IRAG2: variants seen among roughly 807,000 people sequenced by gnomAD.
The protein encoded by IRAG2 is inositol 1,4,5-triphosphate receptor associated 2.
Under a neutral mutation model 69.9 loss-of-function variants are expected in IRAG2, and 45 were observed. The observed-to-expected ratio is 0.64, with a 90% confidence interval of 0.51 to 0.83. The LOEUF is 0.83. IRAG2 is among the 40% of genes least tolerant of loss of function. The pLI is 0.00. For synonymous variants in IRAG2, 193 were observed against 202.4 expected (o/e 0.95, Z 0.40); for missense variants, 520 against 587.0 (o/e 0.89, Z 1.18).
At chr12:25,094,292 C>T (rs1334646948) in intron 14 of IRAG2, among the ~76,000 whole-genome samples, 1 of 151,986 alleles carries the variant, frequency 6.6e-6, no homozygotes, top group East Asian at 1.9e-4. Context: ...CAATTTCATT[C>T]TTTTGCATGT....
At chr12:25,011,072 C>T (rs1052216400) in intron 2 of IRAG2, among the ~76,000 whole-genome samples, 1 of 152,140 alleles carries the variant, frequency 6.6e-6, no homozygotes, top group Non-Finnish European at 1.5e-5. Flanking sequence ...ATTTAAACCT[C>T]GCAACTCTGT....
intron 1 of IRAG2, among the ~76,000 whole-genome samples, chr12:25,053,166 G>T (rs570253017): frequency 6.6e-6 from 1 of 151,850 alleles, no homozygotes; most frequent in African/African-American, 2.4e-5. Context: ...TTCCCTTTTT[G>T]CCTTTTTATT....
intron 16 of IRAG2, among the ~76,000 whole-genome samples, chr12:25,042,477 T>C (rs988769559): frequency 7.2e-5 from 11 of 152,318 alleles, no homozygotes; most frequent in Admixed American, 7.2e-4. Context: ...ATCTAATTTT[T>C]TTTTTATGAG....
upstream of IRAG2, among the ~76,000 whole-genome samples, chr12:25,004,173 A>G (rs140804264): frequency 5.1e-3 from 779 of 152,334 alleles, 9 homozygotes; most frequent in African/African-American, 0.018. Flanking sequence ...AAATGCATGG[A>G]AAATTTGCTT....
At chr12:25,064,033 G>C (rs887211655) in intron 4 of IRAG2, among the ~76,000 whole-genome samples, 2 of 152,180 alleles carry the variant, frequency 1.3e-5, no homozygotes, top group Non-Finnish European at 2.9e-5. Flanking sequence ...AGGCACGGGG[G>C]CTCATGCCTA....
At chr12:25,041,944 TTTTG>T (rs1170752018) in intron 16 of IRAG2, among the ~76,000 whole-genome samples, 1 of 147,030 alleles carries the variant, frequency 6.8e-6, no homozygotes, top group African/African-American at 2.5e-5. Context: ...TGAATTGAAT[TTTTG>T]TTTCAGCTGT....
At chr12:25,023,948 A>T (rs1422059398) in intron 8 of IRAG2, 2 of 1,153,758 alleles carry the variant, frequency 1.7e-6, no homozygotes, top group Non-Finnish European at 2.2e-6. Flanking sequence ...AAACACTGGC[A>T]TAGACAAACA....
At position 25,107,918 on chromosome 12, in the gene IRAG2, C is replaced by T; in HGVS notation, c.1358C>T (p.Ala453Val). Residue 453 changes from alanine to valine, a missense_variant, in exon 22 of 22, where the codon GCT (alanine) becomes GTT (valine). Transcript: ENST00000556887. ...LSIAFIVLFA[A>V]LMSFLTGQLF... The stretch of plus-strand genomic sequence containing the variant: ...ATTGCATTCATTGTACTGTTTGCAG[C>T]TTTGATGAGCTTCCTCACAGGCCAA... 6.2e-7 allele frequency: 1 copy of T among 1,614,186 alleles called. No homozygotes were observed. The highest frequency in any genetic ancestry group is 8.5e-7 in the Non-Finnish European group (1 of 1,180,030).
chr12:25,100,000 G>GAAAAAAAAAAAAA (rs56728551), intron 15 of IRAG2, among the ~76,000 whole-genome samples: 260 of 25,666 alleles, frequency 0.01, 41 homozygotes, highest in African/African-American at 0.036. Flanking sequence ...GACTCCATCT[G>GAAAAAAAAAAAAA]AAAAAAAAAA....
At chr12:25,066,717 C>T (rs974476681) in intron 5 of IRAG2, among the ~76,000 whole-genome samples, 6 of 150,152 alleles carry the variant, frequency 4.0e-5, no homozygotes, top group African/African-American at 1.5e-4. Flanking sequence ...CACTGGAGTG[C>T]AGTGATGTGA....
At chr12:25,044,803 A>G (rs1452799333) in intron 16 of IRAG2, among the ~76,000 whole-genome samples, 1 of 152,172 alleles carries the variant, frequency 6.6e-6, no homozygotes, top group Admixed American at 6.5e-5. Flanking sequence ...AGACATAGAC[A>G]GCAATAAAAT....
intron 1 of IRAG2, among the ~76,000 whole-genome samples, chr12:25,054,408 C>A (rs1945093070): frequency 6.6e-6 from 1 of 152,158 alleles, no homozygotes; most frequent in Non-Finnish European, 1.5e-5. Flanking sequence ...CAATATTATA[C>A]CTGAGTTTTA....
At chr12:25,032,200 A>G in exon 11 of IRAG2, 1 of 399,062 alleles carries the variant, frequency 2.5e-6, no homozygotes, top group Non-Finnish European at 4.4e-6. Flanking sequence ...AGCATTATAG[A>G]GGTATACCTG....
chr12:25,089,952 G>A (rs973014404), intron 13 of IRAG2, 105 bp from the exon 14 acceptor site: 1 of 1,341,388 alleles, frequency 7.5e-7, no homozygotes, highest in Non-Finnish European at 1.1e-6. Flanking sequence ...TTATGTTGCT[G>A]GGGGGAGAAA....
rs972430408 is a variant in IRAG2, at chr12:25,103,723, A to G, written c.934-114A>G. ...AGGATCCTTTAAGATATGTCTGTTT[A>G]ACTCAGCTGTGGTCAAGTACACGGA... is the stretch of plus-strand genomic sequence containing the variant. On this transcript the variant is annotated intron_variant, in intron 17 of 21. Transcript: ENST00000556887. 7 of 720,804 alleles carry G rather than the reference A, an allele frequency of 9.7e-6. No homozygotes were observed. In the East Asian group the frequency reaches 1.8e-4, roughly 18 times the overall value. The allele number at this position is 720,804 out of a possible 1,614,324, so 44.7% of individuals were successfully genotyped here. A position where few individuals can be genotyped will look rare whatever the true frequency, so the allele number is the denominator to read the frequency against.
In IRAG2 at chr12:25,064,323, C is replaced by CA. The variant is rs372375684; in HGVS notation, c.-207+515dup. ...GTGAGAGTAACATGAGCAAACAAAA[C>CA]AAAAAAAATAAGAAGAGAAGTAAGA... On this transcript the variant is annotated intron_variant, in intron 4 of 21. Transcript: ENST00000556887. Among the ~76,000 whole-genome samples the CA allele has an allele frequency of 4.2e-3, 627 of 151,022 alleles. 2 individuals carry two copies. The highest frequency in any genetic ancestry group is 0.014 in the African/African-American group (579 of 41,128).
chr12:25,094,322 C>T (rs1948277207), intron 14 of IRAG2, among the ~76,000 whole-genome samples: 1 of 151,992 alleles, frequency 6.6e-6, no homozygotes, highest in African/African-American at 2.4e-5. Context: ...GTTTTCTCAG[C>T]AATATTTTGT....
chr12:25,075,312 A>C (rs998325704), intron 6 of IRAG2, among the ~76,000 whole-genome samples: 1 of 152,198 alleles, frequency 6.6e-6, no homozygotes, highest in Non-Finnish European at 1.5e-5. Flanking sequence ...AGTTATCTAA[A>C]ATGGGTCAAA....
Position 25,052,965 on chromosome 12 carries a change from C to T in IRAG2, c.-447+9C>T, listed in dbSNP as rs1413310958. 2.5e-6 allele frequency: 1 copy of T among 398,492 alleles called. No individual in the cohort carries two copies. Among genetic ancestry groups the T allele is most frequent in the Admixed American group, 4.4e-5 (1 of 22,722 alleles). 24.7% of individuals were successfully genotyped at this position (398,492 alleles called of 1,614,324 possible). Reference sequence around the variant, plus strand: ...GACAAGGAAACTGAAGAGTGAGTAGCAAATATTCATTTATGACCCAGTTTT... The same window carrying T: ...GACAAGGAAACTGAAGAGTGAGTAGTAAATATTCATTTATGACCCAGTTTT... On this transcript the variant is annotated intron_variant, in intron 1 of 21. Transcript: ENST00000556887.
Sources: allele counts gnomAD v4.1 joint callset (sites outside exome capture counted in the v4.1 genomes callset), GRCh38; gene constraint gnomAD v4.1.1; transcripts MANE v1.5; gene names NCBI Gene and HGNC (gene_info 2026-07-23, HGNC 2026-07-21).